The following CYP27A1 variants were observed in gnomAD, a reference collection of about 807,000 sequenced individuals.
CYP27A1 encodes sterol 26-hydroxylase, mitochondrial.
A neutral mutation model predicts 58.2 loss-of-function variants in CYP27A1; 46 were observed. The observed-to-expected ratio is 0.79, with a 90% CI of 0.62 to 1.01. The LOEUF is 1.01. CYP27A1 is among the 50% of genes least tolerant of loss of function. CYP27A1 has a pLI of 0.00. For missense variants in CYP27A1, 704 were observed against 687.0 expected (o/e 1.02, Z -0.28); for synonymous variants, 274 against 285.1 (o/e 0.96, Z 0.39).
intron 5 of CYP27A1, 92 bp downstream of exon 5, chr2:218,813,188 C>A: frequency 8.6e-7 from 1 of 1,160,080 alleles, no homozygotes; most frequent in Non-Finnish European, 1.2e-6. Context: ...ACCTTCATCC[C>A]TCCAAGGACC....
At chr2:218,811,977 C>T (rs1390327436) in intron 2 of CYP27A1, among the ~76,000 whole-genome samples, 1 of 152,146 alleles carries the variant, frequency 6.6e-6, no homozygotes, top group Non-Finnish European at 1.5e-5. Flanking sequence ...GTGATTTGAC[C>T]CTAGACAGTC....
At position 218,801,979 on chromosome 2, in the gene CYP27A1, C is replaced by CTT. The variant is rs10630235; in HGVS notation, c.256-7583_256-7582dup. 7.0e-4 allele frequency among the ~76,000 whole-genome samples: 91 copies of CTT among 130,586 alleles called. 2 individuals carry two copies. The highest frequency in any genetic ancestry group is 2.3e-3 in the African/African-American group (76 of 33,008). The allele number at this position is 130,586 out of a possible 152,430, so 85.7% of individuals were successfully genotyped here. Reference sequence around the variant, plus strand: ...GGCTGGGGCTGCAGCTGCTAGCAGGCTTTTTTTTTTTTTTTTAATTCCTAT... The same window carrying CTT: ...GGCTGGGGCTGCAGCTGCTAGCAGGCTTTTTTTTTTTTTTTTTTAATTCCTAT... On this transcript the variant is annotated intron_variant, in intron 1 of 8. Coordinates refer to ENST00000258415, the MANE Select transcript of CYP27A1 (RefSeq NM_000784.4).
chr2:218,791,328 C>A (rs947817869), intron 1 of CYP27A1, among the ~76,000 whole-genome samples: 7 of 152,130 alleles, frequency 4.6e-5, no homozygotes, highest in African/African-American at 1.7e-4. Flanking sequence ...TTAAAATTTC[C>A]CACCTACATT....
At chr2:218,812,787 G>C (rs972146928) in intron 4 of CYP27A1, 38 bp downstream of exon 4, 1 of 1,611,320 alleles carries the variant, frequency 6.2e-7, no homozygotes, top group South Asian at 1.1e-5. Context: ...AAGAGAGATG[G>C]GGGTGACTCC....
intron 1 of CYP27A1, among the ~76,000 whole-genome samples, chr2:218,785,437 C>A (rs529624495): frequency 6.6e-6 from 1 of 152,078 alleles, no homozygotes; most frequent in African/African-American, 2.4e-5. Flanking sequence ...AGAAAACAGA[C>A]TCCTGTTAAC....
chr2:218,790,112 C>T (rs1017262983), intron 1 of CYP27A1, among the ~76,000 whole-genome samples: 30 of 152,136 alleles, frequency 2.0e-4, no homozygotes, highest in African/African-American at 6.0e-4. Flanking sequence ...CTCTTTTGGT[C>T]AGTTTCTTAC....
chr2:218,783,172 G>A (rs558104961), intron 1 of CYP27A1, among the ~76,000 whole-genome samples: 3 of 148,662 alleles, frequency 2.0e-5, no homozygotes, highest in South Asian at 2.1e-4. Context: ...TAGGAGAATC[G>A]CTTGAACCAG....
At chr2:218,809,467 CCA>C in intron 1 of CYP27A1, 108 bp from the exon 2 acceptor site, 1 of 271,186 alleles carries the variant, frequency 3.7e-6, no homozygotes, top group Non-Finnish European at 5.9e-6. Flanking sequence ...TTTTTTTTGC[CCA>C]GCTCATTTGC....
intron 1 of CYP27A1, among the ~76,000 whole-genome samples, chr2:218,789,469 C>CA (rs1309636403): frequency 7.9e-5 from 12 of 152,212 alleles, no homozygotes; most frequent in Non-Finnish European, 1.6e-4. Context: ...AAGTGACATA[C>CA]AAAAAATGGA....
intron 1 of CYP27A1, among the ~76,000 whole-genome samples, chr2:218,787,769 C>T (rs1370186991): frequency 6.6e-6 from 1 of 152,184 alleles, no homozygotes; most frequent in Non-Finnish European, 1.5e-5. Context: ...CAACTTTGGA[C>T]CTTCCAGCCT....
intron 1 of CYP27A1, among the ~76,000 whole-genome samples, chr2:218,805,657 T>C (rs1943644187): frequency 6.6e-6 from 1 of 152,140 alleles, no homozygotes; most frequent in South Asian, 2.1e-4. Flanking sequence ...AATTCAACAT[T>C]CTCCTGCTTT....
In CYP27A1 at chr2:218,782,226, G is replaced by A. The variant is rs1406390308; in HGVS notation, c.44G>A (p.Gly15Glu). 1 of 1,541,886 alleles carries A rather than the reference G, an allele frequency of 6.5e-7. No individual in the cohort carries two copies. Among genetic ancestry groups the A allele is most frequent in the Non-Finnish European group, 8.7e-7 (1 of 1,146,302 alleles). ...GCARLRWALR[G>E]AGRGLCPHGA... ...GCGAGGCTGAGGTGGGCGCTGCGAG[G>A]GGCCGGCCGTGGCCTCTGCCCCCAC... The change falls in exon 1 of 9, where the codon GGG becomes GAG. Residue 15 changes from glycine to glutamate, a missense_variant. Gly to Glu is a moderately conservative substitution (Grantham distance 98). Transcript: ENST00000258415. This position sits in a 1 kb window ranked among gnomAD's most constrained non-coding sequence, Gnocchi z 4.1.
chr2:218,800,613 A>G (rs1943590991), intron 1 of CYP27A1, among the ~76,000 whole-genome samples: 1 of 152,230 alleles, frequency 6.6e-6, no homozygotes, highest in Admixed American at 6.5e-5. Context: ...GTGTATGCAT[A>G]TTTTAGAGAA....
chr2:218,785,795 C>A (rs1943435331), intron 1 of CYP27A1, among the ~76,000 whole-genome samples: 1 of 152,128 alleles, frequency 6.6e-6, no homozygotes, highest in African/African-American at 2.4e-5. Context: ...GAGTGTTGTA[C>A]ATCTATAAAA....
At chr2:218,811,155 A>T (rs965367580) in intron 2 of CYP27A1, among the ~76,000 whole-genome samples, 1 of 152,152 alleles carries the variant, frequency 6.6e-6, no homozygotes, top group Admixed American at 6.5e-5. Context: ...AACAAACAAA[A>T]ATACAACTTT....
intron 1 of CYP27A1, chr2:218,806,156 A>G (rs1943648796): frequency 6.6e-6 from 1 of 152,384 alleles, no homozygotes; most frequent in East Asian, 1.9e-4. Context: ...ACCACCATTG[A>G]GATAACTGCT....
At chr2:218,812,770 C>A (rs200082400) in intron 4 of CYP27A1, 21 bp downstream of exon 4, 2 of 1,613,372 alleles carry the variant, frequency 1.2e-6, no homozygotes, top group East Asian at 2.2e-5. Flanking sequence ...CCAGATGGGG[C>A]CCAGGGAAGA....
chr2:218,812,828 CT>C, intron 4 of CYP27A1, 79 bp downstream of exon 4: 1 of 1,606,954 alleles, frequency 6.2e-7, no homozygotes. Flanking sequence ...TCTCCCAGGC[CT>C]TTTCCCTCAT....
intron 1 of CYP27A1, among the ~76,000 whole-genome samples, chr2:218,801,286 C>T (rs1042378734): frequency 2.0e-5 from 3 of 152,122 alleles, no homozygotes; most frequent in South Asian, 4.1e-4. Context: ...GAGTGGATCA[C>T]GTGAGGTCAG....
Sources: gnomAD v4.1 joint callset for allele counts (sites outside exome capture counted in the v4.1 genomes callset) on GRCh38, gnomAD v4.1.1 for gene constraint, Gnocchi (gnomAD v3.1) non-coding constraint, MANE v1.5 for transcripts, NCBI Gene and HGNC (gene_info 2026-07-23, HGNC 2026-07-21) for gene names.